Variants in SEPTIN11 observed in about 807,000 individuals in gnomAD.
SEPTIN11 encodes the protein septin-11.
Under a neutral mutation model 51.4 loss-of-function variants are expected in SEPTIN11, and 25 were observed. That is an observed-to-expected ratio of 0.49 (90% CI 0.35 to 0.68). The LOEUF is 0.68. SEPTIN11 is among the 30% of genes least tolerant of loss of function. The pLI is 0.00. For synonymous variants in SEPTIN11, 174 were observed against 184.1 expected (o/e 0.95, Z 0.44); for missense variants, 381 against 520.8 (o/e 0.73, Z 2.61).
At chr4:76,990,667 C>T (rs917075078) in intron 1 of SEPTIN11, among the ~76,000 whole-genome samples, 1 of 152,186 alleles carries the variant, frequency 6.6e-6, no homozygotes, top group Non-Finnish European at 1.5e-5. Context: ...GCGGTTTCAT[C>T]CCCAAACCAA....
chr4:77,028,816 A>G, intron 8 of SEPTIN11, 55 bp downstream of exon 8: 1 of 1,561,316 alleles, frequency 6.4e-7, no homozygotes, highest in Non-Finnish European at 8.7e-7. Context: ...GATTTTCTAA[A>G]TACATCACGC....
At chr4:77,001,140 T>C (rs1312897498) in intron 2 of SEPTIN11, among the ~76,000 whole-genome samples, 1 of 152,158 alleles carries the variant, frequency 6.6e-6, no homozygotes, top group African/African-American at 2.4e-5. Flanking sequence ...CTTTCCCCTG[T>C]GATGTGGGCA....
At chr4:77,013,694 CTTT>C (rs973887096) in intron 4 of SEPTIN11, among the ~76,000 whole-genome samples, 2 of 152,172 alleles carry the variant, frequency 1.3e-5, no homozygotes, top group Non-Finnish European at 1.5e-5. Flanking sequence ...AAGAATAGGT[CTTT>C]CTCTCAGCAT....
intron 1 of SEPTIN11, among the ~76,000 whole-genome samples, chr4:76,960,125 TAA>T (rs1393109814): frequency 6.6e-6 from 1 of 152,212 alleles, no homozygotes; most frequent in Non-Finnish European, 1.5e-5. Context: ...GGAAACTACG[TAA>T]ACCAAGCTGA....
At chr4:77,026,872 CTGTTA>C (rs746748637) in intron 7 of SEPTIN11, among the ~76,000 whole-genome samples, 2 of 152,126 alleles carry the variant, frequency 1.3e-5, no homozygotes, top group Non-Finnish European at 2.9e-5. Flanking sequence ...TTTTATAGTT[CTGTTA>C]TGAGTACACT....
intron 4 of SEPTIN11, 111 bp downstream of exon 4, chr4:77,012,032 G>A: frequency 1.1e-6 from 1 of 899,148 alleles, no homozygotes; most frequent in Non-Finnish European, 1.7e-6. Context: ...TGGATTACAG[G>A]AACAGTGTTT....
At chr4:76,966,636 T>TGGGC (rs1168421549) in intron 1 of SEPTIN11, among the ~76,000 whole-genome samples, 3 of 149,508 alleles carry the variant, frequency 2.0e-5, no homozygotes, top group East Asian at 2.0e-4. Context: ...CCGAGGAAGA[T>TGGGC]AGATCACTTG....
At chr4:76,950,681 T>TA (rs762074715) in intron 1 of SEPTIN11, among the ~76,000 whole-genome samples, 1 of 151,836 alleles carries the variant, frequency 6.6e-6, no homozygotes, top group Non-Finnish European at 1.5e-5. Flanking sequence ...AGGGAGGAGA[T>TA]ACCTTTGCCC....
intron 5 of SEPTIN11, among the ~76,000 whole-genome samples, chr4:77,017,594 A>G (rs1045257917): frequency 6.6e-6 from 1 of 152,212 alleles, no homozygotes; most frequent in Non-Finnish European, 1.5e-5. Context: ...GAACATTTCA[A>G]TATCTTGAGC....
intron 1 of SEPTIN11, among the ~76,000 whole-genome samples, chr4:76,951,048 T>C (rs1179228170): frequency 6.6e-6 from 1 of 152,116 alleles, no homozygotes; most frequent in Non-Finnish European, 1.5e-5. Flanking sequence ...AGGTGGTGGC[T>C]CGGGAGATTT....
Position 77,026,710 on chromosome 4 carries a change from G to A in SEPTIN11, c.954-1919G>A, listed in dbSNP as rs1374736387. Among the ~76,000 whole-genome samples the A allele has an allele frequency of 2.0e-5, 3 of 152,302 alleles. No homozygotes were observed. The South Asian group carries it at 6.2e-4, about 32-fold the overall frequency. On this transcript the variant is annotated intron_variant, in intron 7 of 9. Transcript: ENST00000264893. ...TCCATTGTTTGTTAGAAAGAAGAGGGAGATATATTCATTATTCTAAAATCA... is the reference window on the plus strand; with the variant it reads ...TCCATTGTTTGTTAGAAAGAAGAGGAAGATATATTCATTATTCTAAAATCA...
chr4:76,998,974 G>A (rs77691133), intron 2 of SEPTIN11, among the ~76,000 whole-genome samples: 1 of 152,268 alleles, frequency 6.6e-6, no homozygotes, highest in East Asian at 1.9e-4. Context: ...GATAGGGCTT[G>A]GGAGAGAGAC....
chr4:77,002,985 C>G (rs1021614462), intron 2 of SEPTIN11, among the ~76,000 whole-genome samples: 1 of 152,218 alleles, frequency 6.6e-6, no homozygotes, highest in African/African-American at 2.4e-5. Context: ...TTCCGATGCT[C>G]TACCCCATCT....
chr4:77,018,577 T>C (rs1362423862), intron 5 of SEPTIN11, among the ~76,000 whole-genome samples: 14 of 152,232 alleles, frequency 9.2e-5, no homozygotes, highest in Admixed American at 9.2e-4. Context: ...TTTTGTAAAA[T>C]TCACAGCTAA....
At chr4:77,019,404 A>G in intron 6 of SEPTIN11, 143 bp downstream of exon 6, 1 of 585,112 alleles carries the variant, frequency 1.7e-6, no homozygotes. Context: ...ACATGTGACA[A>G]TCGTGGAGGT....
chr4:77,038,077 C>T lies in SEPTIN11; in HGVS notation c.*3565C>T, dbSNP rs1287447643. The T allele has an allele frequency of 1.0e-6, 1 of 985,778 alleles. No individual in the cohort carries two copies. Among genetic ancestry groups the T allele is most frequent in the African/African-American group, 1.7e-5 (1 of 57,240 alleles). 61.1% of individuals were successfully genotyped at this position (985,778 alleles called of 1,614,324 possible). A position where few individuals can be genotyped will look rare whatever the true frequency, so the allele number is the denominator to read the frequency against. ...TCCTACAAAAACTGTCCATTCCCAC[C>T]CCTTTGCTTTGCCATTTGCAAGAGT... On this transcript the variant is annotated 3_prime_UTR_variant, in exon 10 of 10. Transcript: ENST00000264893.
At chr4:76,972,735 ACTC>A in intron 1 of SEPTIN11, 1 of 151,968 alleles carries the variant, frequency 6.6e-6, no homozygotes, top group Non-Finnish European at 1.5e-5. Flanking sequence ...CCATTTTAGT[ACTC>A]CTTTCACTTA....
rs780349674 is a variant in SEPTIN11, at chr4:77,036,651, T to C, written c.*2139T>C. 5 of 1,320,212 alleles carry C rather than the reference T, an allele frequency of 3.8e-6. No individual in the cohort carries two copies. Among genetic ancestry groups the C allele is most frequent in the Non-Finnish European group, 4.9e-6 (5 of 1,013,772 alleles). The allele number at this position is 1,320,212 out of a possible 1,614,324, so 81.8% of individuals were successfully genotyped here. A position where few individuals can be genotyped will look rare whatever the true frequency, so the allele number is the denominator to read the frequency against. The stretch of plus-strand genomic sequence containing the variant: ...AAAGTCAAAAGAAACAAATAGAAGC[T>C]TTTTTTTTTAAAAAATGTATTGCTT... On this transcript the variant is annotated 3_prime_UTR_variant, in exon 10 of 10. Coordinates refer to ENST00000264893, the MANE Select transcript of SEPTIN11 (RefSeq NM_018243.4).
intron 1 of SEPTIN11, among the ~76,000 whole-genome samples, chr4:76,969,927 A>G (rs1420503904): frequency 1.3e-5 from 2 of 152,344 alleles, no homozygotes; most frequent in East Asian, 3.9e-4. Context: ...GGTTTCCAAA[A>G]GAAAAAAGGT....
Sources: allele counts gnomAD v4.1 joint callset (sites outside exome capture counted in the v4.1 genomes callset), GRCh38; gene constraint gnomAD v4.1.1; transcripts MANE v1.5; gene names NCBI Gene and HGNC (gene_info 2026-07-23, HGNC 2026-07-21).